ELOVL6: variants seen among roughly 807,000 people sequenced by gnomAD.
The protein encoded by ELOVL6 is ELOVL fatty acid elongase 6, also known as very long chain fatty acid elongase 6.
A neutral mutation model predicts 31.7 loss-of-function variants in ELOVL6; 8 were observed. The observed-to-expected ratio is 0.25, with a 90% confidence interval of 0.15 to 0.45. ELOVL6 has a LOEUF of 0.45. ELOVL6 is among the 20% of genes least tolerant of loss of function. ELOVL6 has a pLI of 1.00. For missense variants in ELOVL6, 126 were observed against 326.4 expected (o/e 0.39, Z 4.73); for synonymous variants, 101 against 117.7 (o/e 0.86, Z 0.92).
At chr4:110,171,417 A>AATAAATAC (rs895071724) in intron 1 of ELOVL6, among the ~76,000 whole-genome samples, 8 of 141,514 alleles carry the variant, frequency 5.7e-5, no homozygotes, top group African/African-American at 2.5e-4. Flanking sequence ...CTCAAAAATA[A>AATAAATAC]ATAAATAAAT....
At chr4:110,068,375 G>A (rs2126225794) in intron 2 of ELOVL6, among the ~76,000 whole-genome samples, 1 of 152,284 alleles carries the variant, frequency 6.6e-6, no homozygotes, top group East Asian at 1.9e-4. Flanking sequence ...AGTAAGTGAG[G>A]AAAGTCTTGG....
chr4:110,054,298 G>A (rs1754917916), intron 3 of ELOVL6, among the ~76,000 whole-genome samples: 1 of 152,106 alleles, frequency 6.6e-6, no homozygotes, highest in Admixed American at 6.5e-5. Flanking sequence ...GACAAAACTG[G>A]TGTCAGGAGA....
At chr4:110,104,187 G>C (rs549640129) in intron 2 of ELOVL6, among the ~76,000 whole-genome samples, 9 of 152,154 alleles carry the variant, frequency 5.9e-5, no homozygotes, top group African/African-American at 2.2e-4. Flanking sequence ...ATGGTGAAAG[G>C]CTTCATTAGG....
Position 110,051,870 on chromosome 4 carries a change from T to C in ELOVL6, c.374-108A>G, listed in dbSNP as rs1016352077. The C allele has an allele frequency of 4.6e-6, 4 of 862,252 alleles. No individual in the cohort carries two copies. The African/African-American group carries it at 5.1e-5, about 11-fold the overall frequency. 53.4% of individuals were successfully genotyped at this position (862,252 alleles called of 1,614,324 possible). ...CCTGAGCTAGGACTGGAGAGTTACA[T>C]AGACTGGATTAGAACCCTGAACTGG... On this transcript the variant is annotated intron_variant, in intron 3 of 3. Coordinates refer to ENST00000302274, the MANE Select transcript of ELOVL6 (RefSeq NM_024090.3). This position sits in a 1 kb window ranked among gnomAD's most constrained non-coding sequence, Gnocchi z 4.8.
intron 1 of ELOVL6, 93 bp downstream of exon 1, chr4:110,198,154 C>A: frequency 1.4e-6 from 1 of 716,266 alleles, no homozygotes; most frequent in South Asian, 1.3e-5. Flanking sequence ...TTCATCGCTC[C>A]ATTCACGCCC....
At chr4:110,111,099 C>T (rs1757022035) in intron 1 of ELOVL6, among the ~76,000 whole-genome samples, 1 of 152,160 alleles carries the variant, frequency 6.6e-6, no homozygotes, top group African/African-American at 2.4e-5. Flanking sequence ...GGCTGCACAT[C>T]CCTTTCCAGG....
At chr4:110,181,403 G>A (rs916743627) in intron 1 of ELOVL6, among the ~76,000 whole-genome samples, 2 of 151,734 alleles carry the variant, frequency 1.3e-5, no homozygotes, top group Admixed American at 6.6e-5. Context: ...AACCAAGATC[G>A]CACCTCTGCA....
At chr4:110,159,745 C>G (rs971398304) in intron 1 of ELOVL6, among the ~76,000 whole-genome samples, 7 of 152,092 alleles carry the variant, frequency 4.6e-5, no homozygotes, top group Non-Finnish European at 1.0e-4. Context: ...CAAAAGGATT[C>G]CAAAATGTAC....
chr4:110,071,210 A>G (rs1755470770), intron 2 of ELOVL6, among the ~76,000 whole-genome samples: 1 of 152,180 alleles, frequency 6.6e-6, no homozygotes, highest in Non-Finnish European at 1.5e-5. Flanking sequence ...GGGTTCATTA[A>G]CCTAAAGATC....
At position 110,144,117 on chromosome 4, in the gene ELOVL6, T is replaced by C. The variant is rs1315445073; in HGVS notation, c.90-38489A>G. On this transcript the variant is annotated intron_variant, in intron 1 of 3. Coordinates refer to ENST00000302274, the MANE Select transcript of ELOVL6 (RefSeq NM_024090.3). The stretch of plus-strand genomic sequence containing the variant: ...AAAAATAAAAGCCAGGGAATTGACA[T>C]AGTAATTTCATTGCAAAAATACCAA... 2.1e-5 allele frequency among the ~76,000 whole-genome samples: 3 copies of C among 145,818 alleles called. No homozygotes were observed. The South Asian group carries it at 6.4e-4, about 31-fold the overall frequency.
chr4:110,192,018 C>T (rs557852329), intron 1 of ELOVL6, among the ~76,000 whole-genome samples: 4 of 151,774 alleles, frequency 2.6e-5, no homozygotes, highest in Admixed American at 1.3e-4. Flanking sequence ...GGTGAAAACT[C>T]GTTTCTACTA....
intron 2 of ELOVL6, among the ~76,000 whole-genome samples, chr4:110,072,489 GT>G (rs1755519302): frequency 6.6e-6 from 1 of 151,972 alleles, no homozygotes; most frequent in African/African-American, 2.4e-5. Context: ...AAAATCCTTT[GT>G]ACTAGTATTT....
rs541574434 is a variant in ELOVL6 at position 110,102,415 on chromosome 4, G to T, written c.221+3082C>A. On this transcript the variant is annotated intron_variant, in intron 2 of 3. Coordinates refer to ENST00000302274, the MANE Select transcript of ELOVL6 (RefSeq NM_024090.3). The stretch of plus-strand genomic sequence containing the variant: ...TGGATTTTTGACCCGAGAGGAAGGA[G>T]AAATAAAAGTTAAGTCATAAGAATG... 1.9e-3 allele frequency among the ~76,000 whole-genome samples: 291 copies of T among 152,282 alleles called. 10 individuals are homozygous for T. In the South Asian group the frequency reaches 0.057, roughly 30 times the overall value.
At chr4:110,152,979 T>C (rs1308412268) in intron 1 of ELOVL6, among the ~76,000 whole-genome samples, 1 of 152,218 alleles carries the variant, frequency 6.6e-6, no homozygotes, top group Non-Finnish European at 1.5e-5. Flanking sequence ...TCCGTGAGTA[T>C]AAACACTGGT....
intron 2 of ELOVL6, among the ~76,000 whole-genome samples, chr4:110,085,722 G>C (rs1756245010): frequency 6.6e-6 from 1 of 152,132 alleles, no homozygotes; most frequent in Admixed American, 6.5e-5. Context: ...TTCACCACCA[G>C]AGGCTCTACT....
chr4:110,084,465 T>C (rs1410322066), intron 2 of ELOVL6, among the ~76,000 whole-genome samples: 1 of 119,430 alleles, frequency 8.4e-6, no homozygotes, highest in African/African-American at 3.7e-5. Context: ...TCATATATGA[T>C]ATATAACAAT....
chr4:110,084,144 A>ATAACATATATG lies in ELOVL6; in HGVS notation c.221+21352_221+21353insCATATATGTTA, dbSNP rs1260292085. Among the ~76,000 whole-genome samples, 79 of 110,968 alleles carry ATAACATATATG rather than the reference A, an allele frequency of 7.1e-4. 2 individuals are homozygous for ATAACATATATG. The highest frequency in any genetic ancestry group is 2.1e-3 in the African/African-American group (49 of 23,234). The allele number at this position is 110,968 out of a possible 152,430, so 72.8% of individuals were successfully genotyped here. A position where few individuals can be genotyped will look rare whatever the true frequency, so the allele number is the denominator to read the frequency against. The stretch of plus-strand genomic sequence containing the variant: ...TAACATATATGTGATAATGATATAT[A>ATAACATATATG]TGATATATATAACATATATGTGATA... On this transcript the variant is annotated intron_variant, in intron 2 of 3. Coordinates refer to ENST00000302274, the MANE Select transcript of ELOVL6 (RefSeq NM_024090.3).
intron 1 of ELOVL6, among the ~76,000 whole-genome samples, chr4:110,105,980 T>C (rs1756879135): frequency 6.6e-6 from 1 of 152,248 alleles, no homozygotes; most frequent in East Asian, 1.9e-4. Context: ...CCAATTTAGA[T>C]ACATACATGA....
At chr4:110,120,095 C>G (rs11723007) in intron 1 of ELOVL6, among the ~76,000 whole-genome samples, 60,504 of 152,014 alleles carry the variant, frequency 0.4, 12,227 homozygotes, top group East Asian at 0.48. Flanking sequence ...ATGTGTCTTC[C>G]CCTATTCCCA....
Sources: gnomAD v4.1 joint callset for allele counts (sites outside exome capture counted in the v4.1 genomes callset) on GRCh38, gnomAD v4.1.1 for gene constraint, Gnocchi (gnomAD v3.1) non-coding constraint, MANE v1.5 for transcripts, NCBI Gene and HGNC (gene_info 2026-07-23, HGNC 2026-07-21) for gene names.